TBC1D4: variants seen among roughly 807,000 people sequenced by gnomAD.
TBC1D4 encodes TBC (Tre-2, BUB2, CDC16) domain-containing protein.
In TBC1D4, 121 loss-of-function variants were observed where a neutral mutation model predicts 142.5. The observed-to-expected ratio is 0.85, with a 90% CI of 0.73 to 0.99. The LOEUF is 0.99. TBC1D4 is among the 50% of genes least tolerant of loss of function. The probability of loss-of-function intolerance (pLI) is 0.00; values close to 1 mark genes in which losing one functional copy is unlikely to be tolerated. For missense variants in TBC1D4, 1,475 were observed against 1,606.6 expected, an observed-to-expected ratio of 0.92 and a Z score of 1.40; for synonymous variants, 630 against 628.2, an observed-to-expected ratio of 1.00 and a Z score of -0.04.
At chr13:75,383,363 A>G (rs1437578043) in intron 1 of TBC1D4, among the ~76,000 whole-genome samples, 1 of 152,194 alleles carries the variant, frequency 6.6e-6, no homozygotes, top group Non-Finnish European at 1.5e-5. Context: ...TGAATTCTGA[A>G]TTCTTTAAAC....
At position 75,299,567 on chromosome 13, in the gene TBC1D4, C is replaced by G. The variant is rs774472688; in HGVS notation, c.2919G>C (p.Thr973=). The change falls in exon 17 of 21, where the codon ACG becomes ACC. Residue 973 remains threonine (T), a synonymous_variant. Transcript: ENST00000377636. The part of the protein sequence containing the change: ...QHAILVDLGR[T]FPTHPYFSVQ... Reference sequence around the variant, plus strand: ...CTGAAAAGTAAGGGTGAGTAGGAAACGTCCTTCCTGCAGAGGAAAAGAAGG... The same window carrying G: ...CTGAAAAGTAAGGGTGAGTAGGAAAGGTCCTTCCTGCAGAGGAAAAGAAGG... The G allele has an allele frequency of 1.2e-6, 2 of 1,613,946 alleles. No individual in the cohort carries two copies. The highest frequency in any genetic ancestry group is 2.7e-5 in the African/African-American group (2 of 74,908).
chr13:75,320,533 G>GA (rs980659965), intron 11 of TBC1D4, among the ~76,000 whole-genome samples: 3 of 152,000 alleles, frequency 2.0e-5, no homozygotes, highest in Non-Finnish European at 4.4e-5. Context: ...TGAGGTAAAA[G>GA]AAAAAATACA....
intron 8 of TBC1D4, among the ~76,000 whole-genome samples, chr13:75,332,300 G>T (rs1203891219): frequency 6.6e-6 from 1 of 152,156 alleles, no homozygotes; most frequent in Non-Finnish European, 1.5e-5. Context: ...ATTACATGAG[G>T]CAAGTGGGTG....
chr13:75,446,334 T>G (rs1285549956), intron 1 of TBC1D4, among the ~76,000 whole-genome samples: 1 of 152,230 alleles, frequency 6.6e-6, no homozygotes, highest in East Asian at 1.9e-4. Context: ...CACCTCTATC[T>G]AGTTCCAGAA....
chr13:75,452,438 C>T (rs766156736), intron 1 of TBC1D4, among the ~76,000 whole-genome samples: 1 of 152,118 alleles, frequency 6.6e-6, no homozygotes, highest in Non-Finnish European at 1.5e-5. Flanking sequence ...TAAAACTTGT[C>T]ATATTGGTTG....
chr13:75,452,208 G>T (rs969673982), intron 1 of TBC1D4, among the ~76,000 whole-genome samples: 1 of 151,896 alleles, frequency 6.6e-6, no homozygotes, highest in Non-Finnish European at 1.5e-5. Context: ...ATAATGCTGG[G>T]GATTACTCAG....
chr13:75,310,791 C>A (rs1296133556), intron 13 of TBC1D4, among the ~76,000 whole-genome samples: 2 of 152,172 alleles, frequency 1.3e-5, no homozygotes, highest in Admixed American at 6.5e-5. Flanking sequence ...TTTCAATCCT[C>A]ATCCTCCTCC....
At chr13:75,463,027 A>G (rs907897302) in intron 1 of TBC1D4, among the ~76,000 whole-genome samples, 1 of 152,156 alleles carries the variant, frequency 6.6e-6, no homozygotes, top group Admixed American at 6.5e-5. Flanking sequence ...GGAAACTGCC[A>G]AACTATTGAT....
Position 75,458,290 on chromosome 13 carries a change from C to T in TBC1D4, c.498+22980G>A, listed in dbSNP as rs145108368. 1.9e-3 allele frequency among the ~76,000 whole-genome samples: 292 copies of T among 152,262 alleles called. 2 individuals carry two copies. The highest frequency in any genetic ancestry group is 6.8e-3 in the African/African-American group (281 of 41,540). On this transcript the variant is annotated intron_variant, in intron 1 of 20. Transcript: ENST00000377636. Reference sequence around the variant, plus strand: ...GTCCCCTGGCCAATCTCTTCTCCAACCACCCCCAGCCGAACTCTCAACGTT... The same window carrying T: ...GTCCCCTGGCCAATCTCTTCTCCAATCACCCCCAGCCGAACTCTCAACGTT...
intron 8 of TBC1D4, among the ~76,000 whole-genome samples, chr13:75,335,053 C>T (rs1352053575): frequency 6.6e-6 from 1 of 152,174 alleles, no homozygotes; most frequent in Non-Finnish European, 1.5e-5. Flanking sequence ...GGCTGCCACC[C>T]CAACACGTGC....
intron 1 of TBC1D4, chr13:75,375,484 A>T (rs1312671386): frequency 2.0e-5 from 3 of 152,216 alleles, no homozygotes; most frequent in Admixed American, 1.3e-4. Context: ...TTCATCTGCA[A>T]TGACTGAAAC....
At chr13:75,481,150 G>T in intron 1 of TBC1D4, 120 bp downstream of exon 1, 1 of 1,408,142 alleles carries the variant, frequency 7.1e-7, no homozygotes, top group Non-Finnish European at 9.4e-7. Context: ...GCCACGTGGA[G>T]CGCGCGCGCC....
rs920797884 is a variant in TBC1D4, at chr13:75,324,319, G to A, written c.2116C>T (p.Pro706Ser). The change falls in exon 11 of 21, where the codon CCT becomes TCT. Residue 706 changes from proline to serine, a missense_variant. Pro to Ser is a moderately conservative substitution (Grantham distance 74). Around this residue, in one of 2 missense-constraint regions of TBC1D4, gnomAD observed 1,227 missense variants for 1,267.7 expected, o/e 0.97. Transcript: ENST00000377636. ...LPSLHTSFSA[P>S]SFTAPSFLKS... ...AGGAAAGAGGGGGCAGTGAAGGAAG[G>A]GGCAGAGAAGGAAGTGTGAAGACTT... is the stretch of plus-strand genomic sequence containing the variant. 26 of 1,613,804 alleles carry A rather than the reference G, an allele frequency of 1.6e-5. No individual in the cohort carries two copies. Among genetic ancestry groups the A allele is most frequent in the Non-Finnish European group, 2.1e-5 (25 of 1,179,878 alleles).
intron 1 of TBC1D4, among the ~76,000 whole-genome samples, chr13:75,413,195 C>T: frequency 6.6e-6 from 1 of 151,928 alleles, no homozygotes; most frequent in South Asian, 2.1e-4. Context: ...GACGGAGTCT[C>T]CCTCTGTTGC....
chr13:75,410,133 A>C (rs1593855682), intron 1 of TBC1D4, among the ~76,000 whole-genome samples: 1 of 152,348 alleles, frequency 6.6e-6, no homozygotes, highest in Non-Finnish European at 1.5e-5. Flanking sequence ...ATAACGGTGT[A>C]TGCTCATGAT....
chr13:75,453,805 T>C (rs1185270951), intron 1 of TBC1D4, among the ~76,000 whole-genome samples: 1 of 151,014 alleles, frequency 6.6e-6, no homozygotes, highest in Non-Finnish European at 1.5e-5. Context: ...GAGGTTGCAG[T>C]GAGCCGTGAT....
At chr13:75,334,098 C>G (rs1367450802) in intron 8 of TBC1D4, among the ~76,000 whole-genome samples, 2 of 152,126 alleles carry the variant, frequency 1.3e-5, no homozygotes, top group Non-Finnish European at 2.9e-5. Flanking sequence ...ATATTAATTA[C>G]ATACAGCAAA....
rs114137504 is a variant in TBC1D4 at position 75,412,325 on chromosome 13, C to T, written c.499-49718G>A. On this transcript the variant is annotated intron_variant, in intron 1 of 20. Coordinates refer to ENST00000377636, the MANE Select transcript of TBC1D4 (RefSeq NM_014832.5). ...TTGAGACAGAGTCTCCTCTATCATC[C>T]AGGCTGGAGTGCAGTGGTGCAATCA... is the stretch of plus-strand genomic sequence containing the variant. Among the ~76,000 whole-genome samples, 1,087 of 152,174 alleles carry T rather than the reference C, an allele frequency of 7.1e-3. 16 individuals are homozygous for T. Among genetic ancestry groups the T allele is most frequent in the African/African-American group, 0.025 (1,042 of 41,510 alleles).
chr13:75,434,404 G>A (rs1886707357), intron 1 of TBC1D4, among the ~76,000 whole-genome samples: 1 of 152,060 alleles, frequency 6.6e-6, no homozygotes, highest in African/African-American at 2.4e-5. Flanking sequence ...AACTAACACA[G>A]GAACAGAAAA....
Sources: gnomAD v4.1 joint callset for allele counts (sites outside exome capture counted in the v4.1 genomes callset) on GRCh38, gnomAD v4.1.1 for gene constraint, gnomAD v4.1.1 regional missense constraint, MANE v1.5 for transcripts, NCBI Gene and HGNC (gene_info 2026-07-23, HGNC 2026-07-21) for gene names.